LTBP1: variants seen among roughly 807,000 people sequenced by gnomAD.
The protein encoded by LTBP1 is latent-transforming growth factor beta-binding protein 1.
In LTBP1, 129 loss-of-function variants were observed where a neutral mutation model predicts 207.6. The observed-to-expected ratio is 0.62, with a 90% confidence interval of 0.54 to 0.72. The LOEUF is 0.72. Ranked by LOEUF, LTBP1 falls within the 30% of genes least tolerant of loss-of-function variation. The pLI, the probability that LTBP1 is intolerant of heterozygous loss-of-function variation, is 0.00. For synonymous variants in LTBP1, 963 were observed against 833.7 expected (o/e 1.16, Z -2.67); for missense variants, 2,281 against 2,217.2 (o/e 1.03, Z -0.58).
At chr2:33,171,657 C>T (rs371940676) in intron 5 of LTBP1, among the ~76,000 whole-genome samples, 62 of 150,114 alleles carry the variant, frequency 4.1e-4, no homozygotes, top group Non-Finnish European at 6.4e-4. Flanking sequence ...ATACAGAGAA[C>T]GCCACAAAGA....
chr2:33,199,247 C>T (rs1054983689), intron 7 of LTBP1, among the ~76,000 whole-genome samples: 1 of 152,146 alleles, frequency 6.6e-6, no homozygotes, highest in Non-Finnish European at 1.5e-5. Context: ...AGTTTGATTG[C>T]ACTGTGGTCT....
chr2:33,221,933 T>C (rs182262847), intron 8 of LTBP1, 147 bp from the exon 9 acceptor site: 2 of 509,946 alleles, frequency 3.9e-6, no homozygotes, highest in African/African-American at 3.8e-5. Flanking sequence ...GGGAAAAAAA[T>C]TATGGAGATA....
rs373261423 is a variant in LTBP1, at chr2:33,017,605, GTTGTT to G, written c.566-3281_566-3277del. On this transcript the variant is annotated intron_variant, in intron 2 of 33. Transcript: ENST00000404816. ...TGATAAATGTGATAGAAGGACATGAGTTGTTTTGTTTTGTTTTGTTTTGTTTTTTG... is the reference window on the plus strand; with the variant it reads ...TGATAAATGTGATAGAAGGACATGAGTTGTTTTGTTTTGTTTTGTTTTTTG... Among the ~76,000 whole-genome samples, 104 of 151,722 alleles carry G rather than the reference GTTGTT, an allele frequency of 6.9e-4. 1 individual carries two copies. The highest frequency in any genetic ancestry group is 1.3e-3 in the Non-Finnish European group (85 of 67,994).
chr2:33,171,746 G>A (rs2085476771), intron 5 of LTBP1, among the ~76,000 whole-genome samples: 1 of 152,170 alleles, frequency 6.6e-6, no homozygotes, highest in Non-Finnish European at 1.5e-5. Context: ...AATGTTAAGG[G>A]CAGCCAGAGA....
intron 4 of LTBP1, among the ~76,000 whole-genome samples, chr2:33,112,882 G>A (rs2080499698): frequency 6.6e-6 from 1 of 152,220 alleles, no homozygotes; most frequent in South Asian, 2.1e-4. Flanking sequence ...GAAGTCTGAG[G>A]AAAAGCAGAA....
intron 9 of LTBP1, among the ~76,000 whole-genome samples, chr2:33,227,285 C>T (rs558965768): frequency 9.9e-5 from 15 of 152,254 alleles, no homozygotes; most frequent in African/African-American, 3.6e-4. Context: ...TCTCCACCTC[C>T]AGAAGTGCTG....
At chr2:32,998,224 A>G (rs1184374194) in intron 2 of LTBP1, among the ~76,000 whole-genome samples, 2 of 152,128 alleles carry the variant, frequency 1.3e-5, no homozygotes, top group African/African-American at 4.8e-5. Context: ...ATATTTAAAA[A>G]CCATGGTTGT....
At chr2:32,998,747 C>T (rs1350843891) in intron 2 of LTBP1, among the ~76,000 whole-genome samples, 1 of 152,052 alleles carries the variant, frequency 6.6e-6, no homozygotes, top group Non-Finnish European at 1.5e-5. Context: ...CTTGCCTCCC[C>T]ACTCTGTTCT....
intron 9 of LTBP1, among the ~76,000 whole-genome samples, chr2:33,242,143 C>T (rs368618179): frequency 1.2e-4 from 18 of 152,078 alleles, no homozygotes; most frequent in South Asian, 1.0e-3. Flanking sequence ...GTATAGATCA[C>T]GATGCCTACT....
intron 3 of LTBP1, among the ~76,000 whole-genome samples, chr2:33,103,105 A>C (rs1483199022): frequency 6.7e-6 from 1 of 150,136 alleles, no homozygotes; most frequent in Non-Finnish European, 1.5e-5. Flanking sequence ...TTGTATGCAG[A>C]TTCTCTATGC....
intron 9 of LTBP1, among the ~76,000 whole-genome samples, chr2:33,230,218 A>C (rs1031688900): frequency 5.3e-5 from 8 of 152,348 alleles, no homozygotes; most frequent in Admixed American, 4.6e-4. Context: ...TTAAAATTAA[A>C]GTGGTTAATA....
At chr2:33,052,809 T>C (rs1301715379) in intron 3 of LTBP1, among the ~76,000 whole-genome samples, 2 of 152,240 alleles carry the variant, frequency 1.3e-5, no homozygotes, top group Admixed American at 6.5e-5. Flanking sequence ...TTGCTCAAAT[T>C]GTTCCATCTT....
chr2:33,243,849 C>A, intron 10 of LTBP1, 65 bp downstream of exon 10: 3 of 1,572,440 alleles, frequency 1.9e-6, no homozygotes, highest in Non-Finnish European at 2.6e-6. Flanking sequence ...TCCAAAAGAA[C>A]GGAAATACTC....
intron 19 of LTBP1, among the ~76,000 whole-genome samples, chr2:33,289,197 T>C (rs1256913664): frequency 2.0e-5 from 3 of 152,186 alleles, no homozygotes; most frequent in Admixed American, 2.0e-4. Context: ...GATTGTAAGA[T>C]GGATGCATAC....
At chr2:33,329,374 A>G (rs1374729270) in intron 24 of LTBP1, among the ~76,000 whole-genome samples, 2 of 152,156 alleles carry the variant, frequency 1.3e-5, no homozygotes, top group African/African-American at 4.8e-5. Context: ...TTTAATGGCA[A>G]CTTCAGGTGA....
intron 31 of LTBP1, among the ~76,000 whole-genome samples, chr2:33,384,399 CG>C (rs2095247986): frequency 6.6e-6 from 1 of 151,988 alleles, no homozygotes; most frequent in Non-Finnish European, 1.5e-5. Flanking sequence ...TGCAGTGGGT[CG>C]GGGAGGGTCT....
intron 3 of LTBP1, among the ~76,000 whole-genome samples, chr2:33,021,564 A>C (rs1022255346): frequency 1.3e-5 from 2 of 152,174 alleles, no homozygotes; most frequent in Admixed American, 6.5e-5. Context: ...TTTTGAAATA[A>C]TAATTTAAAA....
intron 23 of LTBP1, 55 bp downstream of exon 23, chr2:33,309,611 C>T: frequency 3.2e-6 from 5 of 1,572,260 alleles, no homozygotes; most frequent in Non-Finnish European, 3.4e-6. Context: ...TCAATTCTGC[C>T]ATGTTGCCAG....
intron 22 of LTBP1, 100 bp downstream of exon 22, chr2:33,301,744 C>A: frequency 9.0e-7 from 1 of 1,115,006 alleles, no homozygotes; most frequent in South Asian, 2.0e-5. Flanking sequence ...CTCTTGATTT[C>A]ATAGTGAAGA....
Sources: allele counts gnomAD v4.1 joint callset (sites outside exome capture counted in the v4.1 genomes callset), GRCh38; gene constraint gnomAD v4.1.1; transcripts MANE v1.5; gene names NCBI Gene and HGNC (gene_info 2026-07-23, HGNC 2026-07-21).